The following RNF130 variants were observed in gnomAD, a reference collection of about 807,000 sequenced individuals.
RNF130 encodes the protein ring finger protein 130.
RNF130 carries 21 observed loss-of-function variants against 44.6 expected under a neutral mutation model. The ratio of observed to expected loss-of-function variants is 0.47; its 90% CI spans 0.33 to 0.68. The LOEUF (loss-of-function observed/expected upper bound fraction) is 0.68, where lower values mean the gene tolerates loss of function less well. RNF130 is among the 30% of genes least tolerant of loss of function. RNF130 has a pLI of 0.02. For synonymous variants in RNF130, 214 were observed against 210.4 expected (o/e 1.02, Z -0.15); for missense variants, 479 against 560.6 (o/e 0.85, Z 1.47).
chr5:179,999,113 T>G (rs1234838495), intron 3 of RNF130, among the ~76,000 whole-genome samples: 1 of 151,402 alleles, frequency 6.6e-6, no homozygotes. Context: ...GCCTCTGCCT[T>G]GCAGGTTCAA....
intron 2 of RNF130, among the ~76,000 whole-genome samples, chr5:180,022,511 A>G (rs1221103753): frequency 6.6e-6 from 1 of 152,222 alleles, no homozygotes; most frequent in Non-Finnish European, 1.5e-5. Context: ...CAATGCTTTC[A>G]GTATCAAGAG....
intron 2 of RNF130, among the ~76,000 whole-genome samples, chr5:180,018,724 C>G (rs1763799846): frequency 6.6e-6 from 1 of 152,240 alleles, no homozygotes; most frequent in South Asian, 2.1e-4. Flanking sequence ...CCCCTGCCCA[C>G]TGCTCAGAAA....
intron 1 of RNF130, among the ~76,000 whole-genome samples, chr5:180,054,075 A>G (rs983140226): frequency 3.9e-5 from 6 of 152,104 alleles, no homozygotes; most frequent in Non-Finnish European, 7.4e-5. Context: ...TCGGCCTCCC[A>G]AAGTGCTGGA....
chr5:179,999,703 C>T (rs1472464174), intron 3 of RNF130, among the ~76,000 whole-genome samples: 2 of 151,810 alleles, frequency 1.3e-5, no homozygotes, highest in African/African-American at 4.8e-5. Context: ...GGCGAGCAAG[C>T]GAGACTCCGT....
Position 179,980,075 on chromosome 5 carries a change from A to G in RNF130, c.765+54T>C. 2.6e-6 allele frequency: 4 copies of G among 1,540,380 alleles called. No individual in the cohort carries two copies. The South Asian group carries it at 4.5e-5, about 17-fold the overall frequency. Reference sequence around the variant, plus strand: ...AGGGTGTGTCCTCTCCCACCAAACAAAAACAAAACTGCTGGATTACTTTTA... The same window carrying G: ...AGGGTGTGTCCTCTCCCACCAAACAGAAACAAAACTGCTGGATTACTTTTA... On this transcript the variant is annotated intron_variant, in intron 4 of 8. Transcript: ENST00000521389.
At chr5:179,958,127 T>C (rs1239899828) in intron 8 of RNF130, among the ~76,000 whole-genome samples, 1 of 152,146 alleles carries the variant, frequency 6.6e-6, no homozygotes, top group East Asian at 1.9e-4. Context: ...TCCGCCCGCC[T>C]CGGTCTCCCA....
chr5:179,986,843 A>C (rs780301133), intron 3 of RNF130, among the ~76,000 whole-genome samples: 8 of 152,100 alleles, frequency 5.3e-5, no homozygotes, highest in Non-Finnish European at 1.0e-4. Flanking sequence ...TGATCTCTTC[A>C]ATTTCTTTCA....
chr5:179,933,110 A>T (rs999804882), intron 7 of RNF130, among the ~76,000 whole-genome samples: 2 of 152,220 alleles, frequency 1.3e-5, no homozygotes, highest in African/African-American at 4.8e-5. Context: ...GATTTGCAAG[A>T]TCCACAGAAG....
chr5:180,001,252 C>T (rs960564828), intron 3 of RNF130, among the ~76,000 whole-genome samples: 9 of 152,150 alleles, frequency 5.9e-5, no homozygotes, highest in African/African-American at 2.2e-4. Context: ...GCTTTCCCCA[C>T]AATGAGGAGA....
intron 3 of RNF130, among the ~76,000 whole-genome samples, chr5:179,999,126 G>T: frequency 6.6e-6 from 1 of 151,614 alleles, no homozygotes; most frequent in East Asian, 2.0e-4. Context: ...AGGTTCAAGC[G>T]ATTCTCTGCC....
chr5:179,973,460 C>A (rs1278877889), intron 5 of RNF130, among the ~76,000 whole-genome samples: 2 of 152,254 alleles, frequency 1.3e-5, no homozygotes, highest in African/African-American at 2.4e-5. Context: ...CGGCAAACCA[C>A]CTTTCTGCTG....
intron 1 of RNF130, among the ~76,000 whole-genome samples, chr5:180,055,854 T>A (rs993064664): frequency 1.3e-5 from 2 of 151,930 alleles, no homozygotes; most frequent in Admixed American, 6.6e-5. Context: ...GAGGCTGAGG[T>A]GGGTGGATCA....
chr5:180,043,682 A>G (rs554261480), intron 1 of RNF130, among the ~76,000 whole-genome samples: 1 of 152,168 alleles, frequency 6.6e-6, no homozygotes, highest in African/African-American at 2.4e-5. Context: ...GGACTTTAAA[A>G]CTCTGCTAAA....
intron 3 of RNF130, among the ~76,000 whole-genome samples, chr5:179,986,930 C>T (rs1762967280): frequency 6.6e-6 from 1 of 152,084 alleles, no homozygotes; most frequent in Non-Finnish European, 1.5e-5. Context: ...AATAGGACTG[C>T]TTTCTTGATT....
chr5:180,033,566 T>C (rs1287957714), intron 2 of RNF130, among the ~76,000 whole-genome samples: 1 of 152,058 alleles, frequency 6.6e-6, no homozygotes, highest in Admixed American at 6.5e-5. Flanking sequence ...GGTGTGCGCC[T>C]ATAATCCCAG....
downstream of RNF130, among the ~76,000 whole-genome samples, chr5:179,951,125 G>A (rs955185230): frequency 9.2e-5 from 14 of 152,324 alleles, no homozygotes; most frequent in African/African-American, 2.4e-4. Context: ...TCAATGGATA[G>A]AGGTGTATGA....
chr5:179,937,988 C>G (rs1204907121), intron 7 of RNF130, among the ~76,000 whole-genome samples: 1 of 150,434 alleles, frequency 6.6e-6, no homozygotes, highest in Non-Finnish European at 1.5e-5. Context: ...CAGACAGGGT[C>G]TCACTCTGTC....
chr5:179,997,550 G>A (rs13355237), intron 3 of RNF130, among the ~76,000 whole-genome samples: 187 of 152,168 alleles, frequency 1.2e-3, no homozygotes, highest in African/African-American at 4.3e-3. Flanking sequence ...GGATGGTCTT[G>A]ATCTCCTGAC....
At chr5:180,014,069 C>A (rs1763658588) in intron 2 of RNF130, among the ~76,000 whole-genome samples, 2 of 152,150 alleles carry the variant, frequency 1.3e-5, no homozygotes, top group South Asian at 4.1e-4. Context: ...ACATTCTGGA[C>A]CAGTTTGGCA....
Sources: gnomAD v4.1 joint callset for allele counts (sites outside exome capture counted in the v4.1 genomes callset) on GRCh38, gnomAD v4.1.1 for gene constraint, MANE v1.5 for transcripts, NCBI Gene and HGNC (gene_info 2026-07-23, HGNC 2026-07-21) for gene names.